Variants in DOCK5 observed in about 807,000 individuals in gnomAD.
DOCK5 encodes the protein dedicator of cytokinesis 5.
In DOCK5, 142 loss-of-function variants were observed where a neutral mutation model predicts 251.8. That is an observed-to-expected ratio of 0.56 (90% CI 0.49 to 0.65). DOCK5 has a LOEUF of 0.65. Ranked by LOEUF, DOCK5 falls within the 30% of genes least tolerant of loss-of-function variation. The pLI is 0.00. For missense variants in DOCK5, 2,111 were observed against 2,312.3 expected (o/e 0.91, Z 1.79); for synonymous variants, 842 against 835.5 (o/e 1.01, Z -0.13).
intron 29 of DOCK5, among the ~76,000 whole-genome samples, chr8:25,363,798 C>T (rs1339322306): frequency 6.6e-6 from 1 of 152,240 alleles, no homozygotes; most frequent in Non-Finnish European, 1.5e-5. Context: ...CACCGGTCTT[C>T]CGCTAGCAGT....
At position 25,213,004 on chromosome 8, in the gene DOCK5, T is replaced by C. The variant is rs1172361649; in HGVS notation, c.43+28053T>C. On this transcript the variant is annotated intron_variant, in intron 1 of 51. Transcript: ENST00000276440. ...GTTTGCAGAAAAAGGCAAGGTTCAC[T>C]GTGAACGGAGTCTTGGAGGTTGCCT... 2.9e-5 allele frequency among the ~76,000 whole-genome samples: 2 copies of C among 68,096 alleles called. 1 individual carries two copies. Among genetic ancestry groups the C allele is most frequent in the East Asian group, 6.4e-4 (2 of 3,132 alleles). 44.7% of individuals were successfully genotyped at this position (68,096 alleles called of 152,430 possible). A position where few individuals can be genotyped will look rare whatever the true frequency, so the allele number is the denominator to read the frequency against.
chr8:25,218,954 GTCT>G (rs1563312181), intron 1 of DOCK5, among the ~76,000 whole-genome samples: 2 of 152,068 alleles, frequency 1.3e-5, no homozygotes, highest in Admixed American at 1.3e-4. Flanking sequence ...ACTTTCCTTC[GTCT>G]TCTTCTCACC....
chr8:25,384,742 G>A (rs879410931), intron 40 of DOCK5, among the ~76,000 whole-genome samples: 3 of 152,120 alleles, frequency 2.0e-5, no homozygotes, highest in South Asian at 4.2e-4. Flanking sequence ...TTATAGGCAT[G>A]AGCCACCGTG....
At chr8:25,342,246 T>A (rs1403186662) in intron 24 of DOCK5, among the ~76,000 whole-genome samples, 155 bp from the exon 25 acceptor site, 1 of 152,136 alleles carries the variant, frequency 6.6e-6, no homozygotes, top group Non-Finnish European at 1.5e-5. Flanking sequence ...GGATAAAATC[T>A]CCCTTGCTGC....
chr8:25,372,532 CT>C (rs746006901), intron 34 of DOCK5, 26 bp from the exon 35 acceptor site: 9 of 1,549,088 alleles, frequency 5.8e-6, no homozygotes, highest in African/African-American at 2.8e-5. Context: ...GGAACCTGGG[CT>C]TTTGTCTCTC....
chr8:25,297,841 G>C (rs1170687679), intron 7 of DOCK5, among the ~76,000 whole-genome samples: 1 of 152,054 alleles, frequency 6.6e-6, no homozygotes, highest in African/African-American at 2.4e-5. Context: ...GAGGCCAGGA[G>C]TTCAAGACCA....
At chr8:25,400,846 C>A in intron 46 of DOCK5, 83 bp from the exon 47 acceptor site, 2 of 1,511,226 alleles carry the variant, frequency 1.3e-6, no homozygotes, top group Non-Finnish European at 1.8e-6. Context: ...TACCTTTCCA[C>A]CCCATCCCTC....
intron 42 of DOCK5, among the ~76,000 whole-genome samples, chr8:25,390,774 A>G (rs1376707488): frequency 6.6e-6 from 1 of 152,044 alleles, no homozygotes; most frequent in African/African-American, 2.4e-5. Flanking sequence ...AACTAGACTA[A>G]TGAGATCACA....
intron 40 of DOCK5, among the ~76,000 whole-genome samples, chr8:25,385,759 C>T (rs1260898703): frequency 1.3e-5 from 2 of 152,056 alleles, no homozygotes. Flanking sequence ...ACACTGCCTC[C>T]TACAGTGTAG....
intron 1 of DOCK5, among the ~76,000 whole-genome samples, chr8:25,191,448 A>G (rs1304915151): frequency 6.6e-6 from 1 of 152,214 alleles, no homozygotes; most frequent in Non-Finnish European, 1.5e-5. Flanking sequence ...ACAAACATGT[A>G]TTGGATTTAT....
At chr8:25,231,042 G>A (rs151196122) in intron 1 of DOCK5, among the ~76,000 whole-genome samples, 4 of 151,892 alleles carry the variant, frequency 2.6e-5, no homozygotes, top group East Asian at 3.9e-4. Flanking sequence ...ACATACCCTC[G>A]GGTTAGTGTG....
At position 25,414,508 on chromosome 8, in the gene DOCK5, C is replaced by A. The variant is rs1180574469; in HGVS notation, c.*3210C>A. ...AGATATAAAGCAGGCTTTGAGACAA[C>A]AACCTACCTTTGTTTACTCTTTCCA... On this transcript the variant is annotated 3_prime_UTR_variant, in exon 52 of 52. Transcript: ENST00000276440. 2.6e-5 allele frequency: 4 copies of A among 152,202 alleles called. No individual in the cohort carries two copies. Among genetic ancestry groups the A allele is most frequent in the Admixed American group, 2.6e-4 (4 of 15,276 alleles). 9.4% of individuals were successfully genotyped at this position (152,202 alleles called of 1,614,324 possible).
chr8:25,299,878 A>G (rs1000149871), intron 8 of DOCK5, among the ~76,000 whole-genome samples: 23 of 152,180 alleles, frequency 1.5e-4, no homozygotes, highest in Admixed American at 2.6e-4. Flanking sequence ...TTTAATGTCA[A>G]TGTGGATTAC....
At position 25,341,216 on chromosome 8, in the gene DOCK5, A is replaced by T. The variant is rs150060680; in HGVS notation, c.2439+228A>T. 9.5e-4 allele frequency among the ~76,000 whole-genome samples: 144 copies of T among 152,278 alleles called. 1 individual carries two copies. In the South Asian group the frequency reaches 0.011, roughly 11 times the overall value. ...TGCCAAAGACAAGCTACCCAATTAG[A>T]CATCCCTTGAAAGGCCATTGTGAAC... On this transcript the variant is annotated intron_variant, in intron 23 of 51. Coordinates refer to ENST00000276440, the MANE Select transcript of DOCK5 (RefSeq NM_024940.8).
chr8:25,267,711 A>T (rs1390314092), intron 2 of DOCK5, among the ~76,000 whole-genome samples: 2 of 152,144 alleles, frequency 1.3e-5, no homozygotes, highest in Admixed American at 1.3e-4. Flanking sequence ...GTTGATGGGC[A>T]TGGGGAATGA....
intron 2 of DOCK5, among the ~76,000 whole-genome samples, chr8:25,258,145 T>C (rs1803469677): frequency 6.6e-6 from 1 of 152,046 alleles, no homozygotes. Context: ...GGAGGTTTCC[T>C]TGTTTTGCAG....
At chr8:25,365,148 A>T (rs183050809) in intron 30 of DOCK5, among the ~76,000 whole-genome samples, 1 of 152,354 alleles carries the variant, frequency 6.6e-6, no homozygotes, top group East Asian at 1.9e-4. Flanking sequence ...AAAACGGATG[A>T]CCGCTAGCTC....
At chr8:25,404,564 G>T (rs1029830328) in intron 48 of DOCK5, among the ~76,000 whole-genome samples, 1 of 152,124 alleles carries the variant, frequency 6.6e-6, no homozygotes, top group African/African-American at 2.4e-5. Context: ...ACATTTTGGA[G>T]CATTTTGGAT....
chr8:25,190,780 T>A lies in DOCK5; in HGVS notation c.43+5829T>A, dbSNP rs891771510. On this transcript the variant is annotated intron_variant, in intron 1 of 51. Coordinates refer to ENST00000276440, the MANE Select transcript of DOCK5 (RefSeq NM_024940.8). ...CTGGCCTTAACTTGGTCATGGGTTT[T>A]TTTTTTTTTTTTTTTTTTTTTGAGA... Among the ~76,000 whole-genome samples, 40 of 94,344 alleles carry A rather than the reference T, an allele frequency of 4.2e-4. 2 individuals carry two copies. Among genetic ancestry groups the A allele is most frequent in the African/African-American group, 1.3e-3 (38 of 29,836 alleles). The allele number at this position is 94,344 out of a possible 152,430, so 61.9% of individuals were successfully genotyped here.
Sources: allele counts gnomAD v4.1 joint callset (sites outside exome capture counted in the v4.1 genomes callset), GRCh38; gene constraint gnomAD v4.1.1; transcripts MANE v1.5; gene names NCBI Gene and HGNC (gene_info 2026-07-23, HGNC 2026-07-21).